Variants in DAPK2 observed in about 807,000 individuals in gnomAD.
DAPK2 encodes death-associated protein kinase 2.
In DAPK2, 35 loss-of-function variants were observed where a neutral mutation model predicts 44.1. The ratio of observed to expected loss-of-function variants is 0.79; its 90% CI spans 0.61 to 1.05. The LOEUF (loss-of-function observed/expected upper bound fraction) is 1.05. Ranked by LOEUF, DAPK2 falls within the 50% of genes least tolerant of loss-of-function variation. The probability of loss-of-function intolerance (pLI) is 0.00; values close to 1 mark genes in which losing one functional copy is unlikely to be tolerated. For missense variants in DAPK2, 453 were observed against 483.2 expected (o/e 0.94, Z 0.59); for synonymous variants, 174 against 182.6 (o/e 0.95, Z 0.38).
chr15:63,980,430 A>T lies in DAPK2; in HGVS notation c.314+3103T>A, dbSNP rs1002766770. ...AATGAAACACGTTTCAAAACAAATGACCCAGGGCTGGCAGGGCTGCAGGCA... is the reference window on the plus strand; with the variant it reads ...AATGAAACACGTTTCAAAACAAATGTCCCAGGGCTGGCAGGGCTGCAGGCA... On this transcript the variant is annotated intron_variant, in intron 2 of 10. Transcript: ENST00000261891. The surrounding 1 kb of genome is among the most constrained non-coding windows in gnomAD (Gnocchi z 4.3). Among the ~76,000 whole-genome samples, 1 of 152,132 alleles carries T rather than the reference A, an allele frequency of 6.6e-6. No homozygotes were observed. The highest frequency in any genetic ancestry group is 2.4e-5 in the African/African-American group (1 of 41,414).
intron 1 of DAPK2, among the ~76,000 whole-genome samples, chr15:63,997,867 C>T (rs537304992): frequency 9.2e-5 from 14 of 152,104 alleles, no homozygotes; most frequent in Non-Finnish European, 2.1e-4. Context: ...GCTGTGAGAC[C>T]CTGGGCGAGT....
rs1255068392 is a variant in DAPK2 at position 64,036,309 on chromosome 15, G to GTGTA, written c.92+3860_92+3861insTACA. Among the ~76,000 whole-genome samples the GTGTA allele has an allele frequency of 9.7e-4, 59 of 60,520 alleles. 3 individuals carry two copies. Among genetic ancestry groups the GTGTA allele is most frequent in the Admixed American group, 1.3e-3 (5 of 3,788 alleles). The allele number at this position is 60,520 out of a possible 152,430, so 39.7% of individuals were successfully genotyped here. On this transcript the variant is annotated intron_variant, in intron 1 of 10. Coordinates refer to ENST00000261891, the Ensembl canonical transcript of DAPK2. ...TGTGTGTGTGTGTGTGTGTGTGTGT[G>GTGTA]TATATATATGTATATATATATATAT...
chr15:63,911,944 C>G (rs768439594), exon 10 of DAPK2: 1 of 1,614,026 alleles, frequency 6.2e-7, no homozygotes. Context: ...CCTTCTTCAT[C>G]AGCGAGCGGG....
At chr15:63,989,046 G>T (rs141917292) in intron 1 of DAPK2, among the ~76,000 whole-genome samples, 1 of 151,734 alleles carries the variant, frequency 6.6e-6, no homozygotes. Context: ...CAGGCATGGT[G>T]GTGCAAGCCT....
chr15:63,951,178 G>T (rs1340815757), intron 3 of DAPK2, among the ~76,000 whole-genome samples: 6 of 152,160 alleles, frequency 3.9e-5, no homozygotes, highest in Admixed American at 2.6e-4. Flanking sequence ...GAGTTCTCAA[G>T]TTGGATCAGG....
intron 3 of DAPK2, among the ~76,000 whole-genome samples, chr15:63,951,966 G>T (rs1042708207): frequency 6.6e-6 from 1 of 152,220 alleles, no homozygotes; most frequent in East Asian, 1.9e-4. Context: ...AGGGCCAGGC[G>T]TGCTGGCTCA....
At chr15:64,002,952 G>GTGTCGTGGGACC (rs2079124852) in intron 1 of DAPK2, among the ~76,000 whole-genome samples, 18 of 130,820 alleles carry the variant, frequency 1.4e-4, no homozygotes, top group East Asian at 6.6e-4. Flanking sequence ...GTGTGTGTGT[G>GTGTCGTGGGACC]TGTGTGTGTG....
At chr15:63,914,858 C>T (rs1262778974) in intron 8 of DAPK2, among the ~76,000 whole-genome samples, 1 of 152,204 alleles carries the variant, frequency 6.6e-6, no homozygotes, top group Non-Finnish European at 1.5e-5. Flanking sequence ...TATAAAGTAG[C>T]AAGCCAACTT....
At chr15:63,926,221 C>CAGAGGGGG in intron 6 of DAPK2, 128 bp from the exon 8 acceptor site, 2 of 1,054,036 alleles carry the variant, frequency 1.9e-6, no homozygotes, top group Non-Finnish European at 2.7e-6. Flanking sequence ...ACAGCCTGCC[C>CAGAGGGGG]CCTCTGGGCA....
At position 63,990,134 on chromosome 15, in the gene DAPK2, T is replaced by C. The variant is rs572492221; in HGVS notation, c.93-6380A>G. Among the ~76,000 whole-genome samples the C allele has an allele frequency of 6.6e-6, 1 of 152,316 alleles. No homozygotes were observed. The highest frequency in any genetic ancestry group is 1.9e-4 in the East Asian group (1 of 5,186). On this transcript the variant is annotated intron_variant, in intron 1 of 10. Transcript: ENST00000261891. The surrounding 1 kb of genome is among the most constrained non-coding windows in gnomAD (Gnocchi z 4.3). ...GTTCTGTCAACTACCAGGGCCAAGC[T>C]GCTAAAGGCTTTGAAAGATCTATGG...
intron 4 of DAPK2, among the ~76,000 whole-genome samples, chr15:63,932,358 A>C (rs1321819465): frequency 6.8e-6 from 1 of 147,284 alleles, no homozygotes. Flanking sequence ...CCAGCTACTC[A>C]GGAGGCTGAG....
exon 11 of DAPK2, chr15:63,907,613 G>A (rs115065283): frequency 0.038 from 5,738 of 152,368 alleles, 153 homozygotes; most frequent in South Asian, 0.1. Context: ...TACAGACTGC[G>A]TTTTGCCATG....
At chr15:64,019,444 G>C (rs1172675439) in intron 1 of DAPK2, among the ~76,000 whole-genome samples, 5 of 152,156 alleles carry the variant, frequency 3.3e-5, no homozygotes, top group Non-Finnish European at 5.9e-5. Context: ...TGTCCAGTAG[G>C]CAAAACACAA....
chr15:63,981,400 T>C (rs2078507636), intron 2 of DAPK2, among the ~76,000 whole-genome samples: 2 of 152,118 alleles, frequency 1.3e-5, no homozygotes, highest in Admixed American at 1.3e-4. Flanking sequence ...TTTCAGATAT[T>C]CTATTATAAG....
chr15:63,948,837 A>C (rs1204072870), intron 3 of DAPK2, among the ~76,000 whole-genome samples: 1 of 152,208 alleles, frequency 6.6e-6, no homozygotes, highest in African/African-American at 2.4e-5. Flanking sequence ...CCTGTGAAGC[A>C]AGTGCTGTCT....
intron 1 of DAPK2, among the ~76,000 whole-genome samples, chr15:63,993,221 C>G (rs1250311383): frequency 6.6e-6 from 1 of 152,188 alleles, no homozygotes; most frequent in Admixed American, 6.5e-5. Context: ...TCCTGACCTC[C>G]CTCCAAAGAA....
intron 1 of DAPK2, among the ~76,000 whole-genome samples, chr15:63,995,676 C>T (rs2078933902): frequency 6.6e-6 from 1 of 152,200 alleles, no homozygotes; most frequent in Admixed American, 6.5e-5. Flanking sequence ...ATCCCTTGTC[C>T]CCCTGACCTG....
intron 8 of DAPK2, among the ~76,000 whole-genome samples, chr15:63,913,586 T>A (rs2078851409): frequency 6.6e-6 from 1 of 152,146 alleles, no homozygotes; most frequent in South Asian, 2.1e-4. Context: ...AGCCTATTGA[T>A]TCCCAGGCGT....
chr15:63,991,940 G>A (rs879487551), intron 1 of DAPK2, among the ~76,000 whole-genome samples: 4 of 152,156 alleles, frequency 2.6e-5, no homozygotes, highest in Non-Finnish European at 4.4e-5. Flanking sequence ...GTATGGGCCT[G>A]CAGCAGCTGC....
Sources: allele counts gnomAD v4.1 joint callset (sites outside exome capture counted in the v4.1 genomes callset), GRCh38; gene constraint gnomAD v4.1.1; non-coding constraint Gnocchi (gnomAD v3.1); transcripts MANE v1.5; gene names NCBI Gene and HGNC (gene_info 2026-07-23, HGNC 2026-07-21).